The following ITGB5 variants were observed in gnomAD, a reference collection of about 807,000 sequenced individuals.
ITGB5 encodes the protein integrin beta-5.
ITGB5 carries 38 observed loss-of-function variants against 84.8 expected under a neutral mutation model. The observed-to-expected ratio is 0.45, with a 90% CI of 0.35 to 0.59. The LOEUF is 0.59. ITGB5 is among the 20% of genes least tolerant of loss of function. The pLI is 0.01. For missense variants in ITGB5, 905 were observed against 1,034.5 expected (o/e 0.87, Z 1.72); for synonymous variants, 393 against 414.4 (o/e 0.95, Z 0.63).
At chr3:124,797,848 G>A (rs4678162) in intron 9 of ITGB5, among the ~76,000 whole-genome samples, 24,705 of 151,892 alleles carry the variant, frequency 0.16, 2,242 homozygotes, top group Admixed American at 0.25. Flanking sequence ...ATGAAATGCC[G>A]TTGTAAAGTT....
At chr3:124,841,700 AG>A in intron 4 of ITGB5, 149 bp from the exon 5 acceptor site, 1 of 700,096 alleles carries the variant, frequency 1.4e-6, no homozygotes, top group South Asian at 1.9e-5. Flanking sequence ...CAGCAGAGAG[AG>A]CAAAGATAAA....
intron 1 of ITGB5, among the ~76,000 whole-genome samples, chr3:124,875,839 C>T (rs1011194453): frequency 9.2e-5 from 14 of 152,134 alleles, no homozygotes; most frequent in Non-Finnish European, 1.8e-4. Context: ...TTGAGAAAAT[C>T]CTGTCATTTG....
chr3:124,774,995 GTC>G (rs1391358203), intron 10 of ITGB5, among the ~76,000 whole-genome samples: 1 of 152,256 alleles, frequency 6.6e-6, no homozygotes, highest in Non-Finnish European at 1.5e-5. Flanking sequence ...AACCCAGAGA[GTC>G]TGGCTCCAGA....
At chr3:124,785,589 A>G (rs1263658573) in intron 10 of ITGB5, among the ~76,000 whole-genome samples, 1 of 151,452 alleles carries the variant, frequency 6.6e-6, no homozygotes, top group Non-Finnish European at 1.5e-5. Context: ...CATCTCAAAA[A>G]AAAAAAAAAA....
At chr3:124,807,912 A>G (rs2064432352) in intron 9 of ITGB5, among the ~76,000 whole-genome samples, 2 of 125,310 alleles carry the variant, frequency 1.6e-5, no homozygotes, top group Middle Eastern at 5.0e-3. Context: ...ACTGCACTCC[A>G]GCCTGGGCGA....
rs2065104340 is a variant in ITGB5, at chr3:124,848,334, T to G, written c.586A>C (p.Arg196=). The G allele has an allele frequency of 3.1e-6, 5 of 1,614,072 alleles. No individual in the cohort carries two copies. Among genetic ancestry groups the G allele is most frequent in the East Asian group, 2.2e-5 (1 of 44,904 alleles). Residue 196 remains arginine (R), a synonymous_variant, in exon 4 of 15, where the codon AGG becomes CGG. Coordinates refer to ENST00000296181, the MANE Select transcript of ITGB5 (RefSeq NM_002213.5). ...DISPFSYTAP[R]YQTNPCIGYK... ...CCAATGCACGGATTGGTCTGGTACC[T>G]CGGTGCCGTGTAGGAGAAAGGAGAG...
At chr3:124,807,331 G>A (rs763534970) in intron 9 of ITGB5, among the ~76,000 whole-genome samples, 51 of 152,296 alleles carry the variant, frequency 3.3e-4, no homozygotes, top group African/African-American at 7.7e-4. Context: ...CATGAGAATC[G>A]TTCGAACCTG....
chr3:124,874,483 T>C (rs1297422464), intron 1 of ITGB5, among the ~76,000 whole-genome samples: 1 of 152,090 alleles, frequency 6.6e-6, no homozygotes, highest in African/African-American at 2.4e-5. Context: ...TTCACAGAAA[T>C]AGAAAAAACA....
At chr3:124,779,151 C>A (rs544358033) in intron 10 of ITGB5, among the ~76,000 whole-genome samples, 106 of 152,154 alleles carry the variant, frequency 7.0e-4, no homozygotes, top group African/African-American at 1.9e-3. Flanking sequence ...ACTCTAGGAA[C>A]TCGGAGACCC....
In ITGB5 at chr3:124,796,695, C is replaced by G. The variant is rs775683311; in HGVS notation, c.1386G>C (p.Thr462=). The part of the protein sequence containing the change: ...SLEVGVTYNC[T]CGCSVGLEPN... ...GTTCCAGCCCCACGCTGCAGCCGCACGTGCAGTTGTAGGTGACCCCCACCT... is the reference window on the plus strand; with the variant it reads ...GTTCCAGCCCCACGCTGCAGCCGCAGGTGCAGTTGTAGGTGACCCCCACCT... Residue 462 remains threonine (T), a synonymous_variant, in exon 10 of 15, where the codon ACG becomes ACC. Transcript: ENST00000296181. The G allele has an allele frequency of 6.2e-7, 1 of 1,614,098 alleles. No individual in the cohort carries two copies. Among genetic ancestry groups the G allele is most frequent in the South Asian group, 1.1e-5 (1 of 91,070 alleles).
Position 124,764,510 on chromosome 3 carries a change from C to G in ITGB5, c.2185G>C (p.Gly729Arg). The change falls in exon 14 of 15, where the codon GGT (glycine) becomes CGT (arginine). Residue 729 changes from glycine (G) to arginine (R), a missense_variant. By Grantham distance (125) the Gly-to-Arg change is moderately radical (BLOSUM62 -2). This residue lies in a region of ITGB5 where 133 missense variants were observed against 122.8 expected (regional missense o/e 1.08). Transcript: ENST00000296181. ...NAMTILLAVV[G>R]SILLVGLALL... ...GCAAGCCCAACAAGGAGGATGCTAC[C>G]GACCACAGCCAGGAGGATGGTCATG... The G allele has an allele frequency of 1.2e-6, 2 of 1,613,916 alleles. No individual in the cohort carries two copies. The highest frequency in any genetic ancestry group is 1.7e-6 in the Non-Finnish European group (2 of 1,179,896).
intron 11 of ITGB5, among the ~76,000 whole-genome samples, chr3:124,771,391 GAAAA>G (rs909163674): frequency 1.3e-5 from 2 of 151,764 alleles, no homozygotes; most frequent in Admixed American, 1.3e-4. Flanking sequence ...CGTTTAAAAA[GAAAA>G]AAAAGTTCCA....
chr3:124,886,262 GGA>G (rs1934798800), intron 1 of ITGB5, among the ~76,000 whole-genome samples: 1 of 151,786 alleles, frequency 6.6e-6, no homozygotes, highest in South Asian at 2.1e-4. Context: ...AATTTAATAG[GGA>G]AGTCCCAGGT....
chr3:124,796,146 C>T (rs527319412), intron 10 of ITGB5, among the ~76,000 whole-genome samples: 14 of 152,210 alleles, frequency 9.2e-5, no homozygotes, highest in Admixed American at 2.0e-4. Flanking sequence ...AGGTGGATGA[C>T]CCACGCAGGC....
At chr3:124,895,698 A>C (rs1289928504) in intron 1 of ITGB5, among the ~76,000 whole-genome samples, 1 of 152,186 alleles carries the variant, frequency 6.6e-6, no homozygotes, top group Non-Finnish European at 1.5e-5. Context: ...CCAGGTACAC[A>C]AGAAGCCATG....
chr3:124,819,959 T>C, intron 6 of ITGB5, 125 bp from the exon 7 acceptor site: 1 of 747,892 alleles, frequency 1.3e-6, no homozygotes, highest in Non-Finnish European at 2.4e-6. Context: ...GGTGGCCCCT[T>C]AGAGTCCCTT....
At chr3:124,802,711 A>G (rs934963566) in intron 9 of ITGB5, among the ~76,000 whole-genome samples, 1 of 152,208 alleles carries the variant, frequency 6.6e-6, no homozygotes, top group Non-Finnish European at 1.5e-5. Flanking sequence ...TCTGCCCCCG[A>G]TGGCCTCCAA....
intron 10 of ITGB5, among the ~76,000 whole-genome samples, chr3:124,775,758 G>C (rs184223963): frequency 8.5e-5 from 13 of 152,226 alleles, no homozygotes; most frequent in Admixed American, 7.8e-4. Flanking sequence ...CACCTTCCCT[G>C]GACGACCAAT....
At chr3:124,780,716 C>G (rs1339237752) in intron 10 of ITGB5, 1 of 151,582 alleles carries the variant, frequency 6.6e-6, no homozygotes, top group Non-Finnish European at 1.5e-5. Flanking sequence ...GTGTCCCCCC[C>G]CCCGTGTTTC....
Sources: gnomAD v4.1 joint callset for allele counts (sites outside exome capture counted in the v4.1 genomes callset) on GRCh38, gnomAD v4.1.1 for gene constraint, gnomAD v4.1.1 regional missense constraint, MANE v1.5 for transcripts, NCBI Gene and HGNC (gene_info 2026-07-23, HGNC 2026-07-21) for gene names.